Variants in SLC38A11 observed in about 807,000 individuals in gnomAD.
SLC38A11 encodes the protein putative sodium-coupled neutral amino acid transporter 11.
A neutral mutation model predicts 49.4 loss-of-function variants in SLC38A11; 51 were observed. The observed-to-expected ratio is 1.03, with a 90% confidence interval of 0.83 to 1.30. The LOEUF is 1.30. SLC38A11 is among the 50% of genes most tolerant of loss of function. SLC38A11 has a pLI of 0.00. For missense variants in SLC38A11, 574 were observed against 556.2 expected (o/e 1.03, Z -0.32); for synonymous variants, 203 against 192.9 (o/e 1.05, Z -0.43).
At position 164,939,431 on chromosome 2, in the gene SLC38A11, T is replaced by C. The variant is rs1016152144; in HGVS notation, c.537+19A>G. Reference sequence around the variant, plus strand: ...GCAACAAGGTACATTTCTATGCCCATTTAAAATGTAAAAATTACCTTTCCA... The same window carrying C: ...GCAACAAGGTACATTTCTATGCCCACTTAAAATGTAAAAATTACCTTTCCA... On this transcript the variant is annotated intron_variant, in intron 6 of 11. Transcript: ENST00000685975. The C allele has an allele frequency of 1.3e-6, 2 of 1,541,580 alleles. No homozygotes were observed. Among genetic ancestry groups the C allele is most frequent in the African/African-American group, 2.7e-5 (2 of 73,146 alleles).
In SLC38A11 at chr2:164,896,344, G is replaced by T. The variant is rs1684375792; in HGVS notation, c.*2093C>A. ...ATGCTGCGCTCAGTTCCTACCAGGA[G>T]CTTTCATCTACTTGAAGAGTATGAA... On this transcript the variant is annotated 3_prime_UTR_variant, in exon 12 of 12. Transcript: ENST00000685975. 1 of 152,136 alleles carries T rather than the reference G, an allele frequency of 6.6e-6. No homozygotes were observed. 9.4% of individuals were successfully genotyped at this position (152,136 alleles called of 1,614,324 possible).
rs145219043 is a variant in SLC38A11 at position 164,898,066 on chromosome 2, A to ACCCCCCC, written c.*364_*370dup. 2.6e-5 allele frequency: 3 copies of ACCCCCCC among 113,282 alleles called. No homozygotes were observed. Among genetic ancestry groups the ACCCCCCC allele is most frequent in the Non-Finnish European group, 5.3e-5 (3 of 56,300 alleles). The allele number at this position is 113,282 out of a possible 1,614,324, so 7.0% of individuals were successfully genotyped here. A position where few individuals can be genotyped will look rare whatever the true frequency, so the allele number is the denominator to read the frequency against. On this transcript the variant is annotated 3_prime_UTR_variant, in exon 12 of 12. Coordinates refer to ENST00000685975, the MANE Select transcript of SLC38A11 (RefSeq NM_001351537.2). ...GACAAAGAAAATGCCCACCCCCCAC[A>ACCCCCCC]CCCCCCCACCAAAAGACATCTACAC...
At chr2:164,907,806 A>G (rs1225409792) in intron 11 of SLC38A11, 1 of 152,210 alleles carries the variant, frequency 6.6e-6, no homozygotes, top group Non-Finnish European at 1.5e-5. Context: ...AAAAGCAGAT[A>G]GGACAAAGAA....
intron 7 of SLC38A11, among the ~76,000 whole-genome samples, chr2:164,932,542 T>C (rs1687077452): frequency 6.6e-6 from 1 of 152,138 alleles, no homozygotes; most frequent in African/African-American, 2.4e-5. Context: ...ATGTACACCA[T>C]GGAATACTAT....
intron 7 of SLC38A11, among the ~76,000 whole-genome samples, chr2:164,936,621 C>T (rs1417835676): frequency 6.6e-6 from 1 of 152,034 alleles, no homozygotes; most frequent in East Asian, 1.9e-4. Context: ...TTGTGGAAAT[C>T]CAATTCAGTG....
rs774306855 is a variant in SLC38A11, at chr2:164,896,571, G to A, written c.*1866C>T. Reference sequence around the variant, plus strand: ...CATTTCCTCATTTCTTACATGGAATGAAAGCATTTTTATTATATTTTACCT... The same window carrying A: ...CATTTCCTCATTTCTTACATGGAATAAAAGCATTTTTATTATATTTTACCT... On this transcript the variant is annotated 3_prime_UTR_variant, in exon 12 of 12. Coordinates refer to ENST00000685975, the MANE Select transcript of SLC38A11 (RefSeq NM_001351537.2). The A allele has an allele frequency of 2.0e-5, 3 of 152,038 alleles. No individual in the cohort carries two copies. The highest frequency in any genetic ancestry group is 4.4e-5 in the Non-Finnish European group (3 of 68,004). The allele number at this position is 152,038 out of a possible 1,614,324, so 9.4% of individuals were successfully genotyped here.
chr2:164,905,167 G>C (rs900809233), intron 11 of SLC38A11, among the ~76,000 whole-genome samples: 2 of 151,846 alleles, frequency 1.3e-5, no homozygotes, highest in Admixed American at 6.6e-5. Context: ...ACCCAGGCTA[G>C]AGTGCACTGG....
rs567931064 is a variant in SLC38A11 at position 164,927,827 on chromosome 2, T to C, written c.617+9523A>G. On this transcript the variant is annotated intron_variant, in intron 7 of 11. Transcript: ENST00000685975. ...ACTCATAATTCTATTACTTATTATATTGAGACTGTCTTTCATAAGTTTGTT... is the reference window on the plus strand; with the variant it reads ...ACTCATAATTCTATTACTTATTATACTGAGACTGTCTTTCATAAGTTTGTT... 2.4e-4 allele frequency among the ~76,000 whole-genome samples: 37 copies of C among 152,318 alleles called. No homozygotes were observed. In the South Asian group the frequency reaches 4.3e-3, roughly 18 times the overall value.
intron 5 of SLC38A11, among the ~76,000 whole-genome samples, chr2:164,944,339 G>T (rs960734762): frequency 1.3e-5 from 2 of 152,104 alleles, no homozygotes; most frequent in Non-Finnish European, 1.5e-5. Context: ...AGTATTCTAA[G>T]TATTTAAATA....
intron 2 of SLC38A11, among the ~76,000 whole-genome samples, chr2:164,953,572 A>T (rs1688662315): frequency 2.0e-5 from 3 of 152,186 alleles, no homozygotes; most frequent in African/African-American, 7.2e-5. Context: ...GTAGAATTGT[A>T]AACAAGTCTT....
intron 7 of SLC38A11, among the ~76,000 whole-genome samples, chr2:164,924,190 A>G (rs1306993333): frequency 6.6e-6 from 1 of 152,188 alleles, no homozygotes; most frequent in Non-Finnish European, 1.5e-5. Context: ...CTTGGAGGCC[A>G]TTATCCTAAG....
At chr2:164,947,147 T>TGG in intron 3 of SLC38A11, among the ~76,000 whole-genome samples, 1 of 114,510 alleles carries the variant, frequency 8.7e-6, no homozygotes, top group Admixed American at 9.1e-5. Context: ...TTTTTTTTTT[T>TGG]TTGAGATAGA....
chr2:164,902,744 A>G (rs1684742270), intron 11 of SLC38A11, among the ~76,000 whole-genome samples: 1 of 152,188 alleles, frequency 6.6e-6, no homozygotes, highest in Non-Finnish European at 1.5e-5. Context: ...CATACCAGAA[A>G]TATTATGACT....
At chr2:164,928,416 C>A (rs1411296884) in intron 7 of SLC38A11, among the ~76,000 whole-genome samples, 1 of 152,126 alleles carries the variant, frequency 6.6e-6, no homozygotes, top group Admixed American at 6.6e-5. Flanking sequence ...TGGGCTAAAA[C>A]CAGAAGGCAC....
At chr2:164,902,712 G>A (rs568339574) in intron 11 of SLC38A11, among the ~76,000 whole-genome samples, 2 of 152,190 alleles carry the variant, frequency 1.3e-5, no homozygotes, top group African/African-American at 2.4e-5. Context: ...ATTACTGTGT[G>A]TTTTATACAA....
chr2:164,945,801 A>G, intron 3 of SLC38A11, 74 bp from the exon 4 acceptor site: 8 of 1,514,910 alleles, frequency 5.3e-6, no homozygotes, highest in Non-Finnish European at 7.1e-6. Flanking sequence ...CTTAATTACC[A>G]TCGAGAAAAG....
At chr2:164,925,911 T>C (rs1245773201) in intron 7 of SLC38A11, among the ~76,000 whole-genome samples, 1 of 152,292 alleles carries the variant, frequency 6.6e-6, no homozygotes, top group Non-Finnish European at 1.5e-5. Context: ...TTCTGGGCCA[T>C]CTACCCATAT....
intron 7 of SLC38A11, 138 bp from the exon 8 acceptor site, chr2:164,916,111 G>A: frequency 1.8e-6 from 1 of 549,870 alleles, no homozygotes; most frequent in East Asian, 2.7e-5. Flanking sequence ...CATTAATCTT[G>A]TGTAATCATG....
chr2:164,934,492 A>G (rs1687222476), intron 7 of SLC38A11, among the ~76,000 whole-genome samples: 1 of 152,112 alleles, frequency 6.6e-6, no homozygotes, highest in Non-Finnish European at 1.5e-5. Flanking sequence ...CAGAATCTCT[A>G]CAGGTGGGGC....
Sources: allele counts gnomAD v4.1 joint callset (sites outside exome capture counted in the v4.1 genomes callset), GRCh38; gene constraint gnomAD v4.1.1; transcripts MANE v1.5; gene names NCBI Gene and HGNC (gene_info 2026-07-23, HGNC 2026-07-21).